Variants in DCAF6 observed in about 807,000 individuals in gnomAD.
The protein encoded by DCAF6 is DDB1 and CUL4 associated factor 6.
In DCAF6, 54 loss-of-function variants were observed where a neutral mutation model predicts 125.1. The observed-to-expected ratio is 0.43, with a 90% CI of 0.35 to 0.54. DCAF6 has a LOEUF of 0.54. Among genes scored for constraint, DCAF6 ranks in the 20% least tolerant of loss-of-function variants. DCAF6 has a pLI of 0.01. For synonymous variants in DCAF6, 371 were observed against 390.4 expected, an observed-to-expected ratio of 0.95 and a Z score of 0.58; for missense variants, 934 against 1,161.7, an observed-to-expected ratio of 0.80 and a Z score of 2.85.
At chr1:168,039,919 C>A (rs986928150) in intron 13 of DCAF6, among the ~76,000 whole-genome samples, 1 of 151,198 alleles carries the variant, frequency 6.6e-6, no homozygotes, top group African/African-American at 2.4e-5. Context: ...TTCTATGTTC[C>A]GGGGACTATT....
At chr1:167,956,842 G>A (rs986705755) in intron 2 of DCAF6, among the ~76,000 whole-genome samples, 1 of 151,950 alleles carries the variant, frequency 6.6e-6, no homozygotes, top group Non-Finnish European at 1.5e-5. Context: ...ATGGCCATCT[G>A]TTATTTCTTA....
the DCAF6 span, among the ~76,000 whole-genome samples, chr1:167,926,318 G>A: frequency 6.6e-6 from 1 of 152,142 alleles, no homozygotes. Flanking sequence ...TTCAGTTTCT[G>A]TTATCCAGTT....
intron 4 of DCAF6, among the ~76,000 whole-genome samples, chr1:167,982,049 T>C (rs1292147732): frequency 6.6e-6 from 1 of 152,188 alleles, no homozygotes; most frequent in African/African-American, 2.4e-5. Flanking sequence ...TTTCTTGACT[T>C]TTTAATAATA....
the DCAF6 span, chr1:167,901,638 AT>A: frequency 1.2e-6 from 2 of 1,612,940 alleles, no homozygotes; most frequent in South Asian, 2.2e-5. Flanking sequence ...CTGCCGTAGG[AT>A]TTATTCCTTC....
the DCAF6 span, chr1:167,903,953 A>G: frequency 6.2e-7 from 1 of 1,614,086 alleles, no homozygotes; most frequent in East Asian, 2.2e-5. Context: ...CTGTCCATGT[A>G]CATGGCACTG....
chr1:167,914,186 C>CACCG, the DCAF6 span: 1 of 152,392 alleles, frequency 6.6e-6, no homozygotes, highest in African/African-American at 2.4e-5. Context: ...GTTCCACGGG[C>CACCG]ACCGACCATG....
At chr1:167,992,558 C>T (rs546093686) in intron 6 of DCAF6, among the ~76,000 whole-genome samples, 1 of 152,222 alleles carries the variant, frequency 6.6e-6, no homozygotes, top group South Asian at 2.1e-4. Context: ...ATTATTGTTT[C>T]TCAACAGGTG....
At chr1:167,903,170 C>T in the DCAF6 span, among the ~76,000 whole-genome samples, 2 of 152,026 alleles carry the variant, frequency 1.3e-5, no homozygotes, top group South Asian at 2.1e-4. Flanking sequence ...GCAGGAGAAT[C>T]GCTTGAACCT....
intron 8 of DCAF6, 59 bp downstream of exon 8, chr1:168,002,634 C>A: frequency 8.0e-7 from 1 of 1,248,530 alleles, no homozygotes; most frequent in Non-Finnish European, 1.1e-6. Flanking sequence ...AATATTTTAA[C>A]TTCCAGTTTC....
At chr1:167,912,483 G>A in the DCAF6 span, among the ~76,000 whole-genome samples, 2 of 152,212 alleles carry the variant, frequency 1.3e-5, no homozygotes, top group Non-Finnish European at 2.9e-5. Context: ...GGGTGAGAGG[G>A]CTAGCTTTTT....
chr1:167,865,551 T>A, the DCAF6 span, among the ~76,000 whole-genome samples: 1 of 152,178 alleles, frequency 6.6e-6, no homozygotes, highest in Non-Finnish European at 1.5e-5. Context: ...AAGGTAAAAT[T>A]TAGCTTATCT....
intron 7 of DCAF6, among the ~76,000 whole-genome samples, chr1:168,000,637 A>AT (rs1471498475): frequency 3.9e-5 from 6 of 152,202 alleles, no homozygotes; most frequent in African/African-American, 4.8e-5. Context: ...GATGAACAGA[A>AT]TAGGGTATCT....
intron 12 of DCAF6, among the ~76,000 whole-genome samples, chr1:168,036,976 A>G (rs919158860): frequency 4.6e-5 from 7 of 152,194 alleles, no homozygotes; most frequent in Non-Finnish European, 2.9e-5. Flanking sequence ...AGGAATTGAT[A>G]CTAAGTTTTG....
the DCAF6 span, among the ~76,000 whole-genome samples, chr1:167,924,740 CA>C: frequency 1.3e-5 from 2 of 152,130 alleles, no homozygotes. Flanking sequence ...CCTTGAATAA[CA>C]CAGGTTTGAA....
At chr1:168,043,611 C>T (rs902101363) in intron 14 of DCAF6, among the ~76,000 whole-genome samples, 8 of 152,096 alleles carry the variant, frequency 5.3e-5, no homozygotes, top group African/African-American at 1.9e-4. Flanking sequence ...ATGACAATTA[C>T]ATGAAATTTA....
At chr1:167,907,588 G>A in the DCAF6 span, among the ~76,000 whole-genome samples, 1 of 152,172 alleles carries the variant, frequency 6.6e-6, no homozygotes, top group Non-Finnish European at 1.5e-5. Flanking sequence ...AAGTAGACAG[G>A]GAAGTGCACT....
chr1:168,075,656 G>A lies in DCAF6; in HGVS notation c.*221G>A, dbSNP rs1693716766. On this transcript the variant is annotated 3_prime_UTR_variant, in exon 22 of 22. Coordinates refer to ENST00000367840, the MANE Select transcript of DCAF6 (RefSeq NM_001198956.2). ...GAATGTTTTTAAAACTTTTTGCCGT[G>A]TATGAGGAGTGCTAGAAAATGCAAA... is the stretch of plus-strand genomic sequence containing the variant. 4.6e-6 allele frequency: 2 copies of A among 436,310 alleles called. No homozygotes were observed. Among genetic ancestry groups the A allele is most frequent in the South Asian group, 1.1e-4 (2 of 18,728 alleles). 27.0% of individuals were successfully genotyped at this position (436,310 alleles called of 1,614,324 possible).
chr1:167,921,646 A>G, the DCAF6 span, among the ~76,000 whole-genome samples: 1 of 152,140 alleles, frequency 6.6e-6, no homozygotes, highest in Non-Finnish European at 1.5e-5. Flanking sequence ...TATTTTTACC[A>G]AGTCACTATG....
At chr1:167,886,439 A>C in the DCAF6 span, among the ~76,000 whole-genome samples, 1 of 152,180 alleles carries the variant, frequency 6.6e-6, no homozygotes, top group Non-Finnish European at 1.5e-5. Flanking sequence ...AAAAGACAAG[A>C]AATAGGGAAA....
Sources: gnomAD v4.1 joint callset for allele counts (sites outside exome capture counted in the v4.1 genomes callset) on GRCh38, gnomAD v4.1.1 for gene constraint, MANE v1.5 for transcripts, NCBI Gene and HGNC (gene_info 2026-07-23, HGNC 2026-07-21) for gene names.